The following KIF6 variants were observed in gnomAD, a reference collection of about 807,000 sequenced individuals.
The protein encoded by KIF6 is kinesin family member 6.
In KIF6, 106 loss-of-function variants were observed where a neutral mutation model predicts 112.7. The observed-to-expected ratio is 0.94, with a 90% CI of 0.80 to 1.11. The LOEUF (loss-of-function observed/expected upper bound fraction) is 1.11. Ranked by LOEUF, KIF6 falls within the 50% of genes least tolerant of loss-of-function variation. The probability of loss-of-function intolerance (pLI) is 0.00; values close to 1 mark genes in which losing one functional copy is unlikely to be tolerated. For missense variants in KIF6, 929 were observed against 964.0 expected (o/e 0.96, Z 0.48); for synonymous variants, 339 against 339.9 (o/e 1.00, Z 0.03).
At chr6:39,724,216 C>T (rs935510263) in intron 1 of KIF6, among the ~76,000 whole-genome samples, 5 of 152,112 alleles carry the variant, frequency 3.3e-5, no homozygotes, top group South Asian at 2.1e-4. Context: ...TTTGGGAGGC[C>T]GAGGCGGGCG....
At chr6:39,475,961 C>T (rs1203124990) in intron 13 of KIF6, among the ~76,000 whole-genome samples, 1 of 151,896 alleles carries the variant, frequency 6.6e-6, no homozygotes, top group East Asian at 1.9e-4. Flanking sequence ...GAAAACCAAA[C>T]ACTGCATGTT....
At chr6:39,582,401 T>C (rs1266546768) in intron 9 of KIF6, among the ~76,000 whole-genome samples, 2 of 151,876 alleles carry the variant, frequency 1.3e-5, no homozygotes, top group Non-Finnish European at 2.9e-5. Flanking sequence ...TTTTGTTTTG[T>C]TTTGTTTGGT....
chr6:39,494,794 G>T (rs78845683), intron 13 of KIF6, among the ~76,000 whole-genome samples: 3 of 148,158 alleles, frequency 2.0e-5, no homozygotes, highest in African/African-American at 7.4e-5. Context: ...CTTATGACAA[G>T]TTTTTTTTTT....
intron 5 of KIF6, among the ~76,000 whole-genome samples, chr6:39,630,295 A>T (rs1416894421): frequency 6.6e-6 from 1 of 152,092 alleles, no homozygotes; most frequent in South Asian, 2.1e-4. Context: ...CTGACATCTT[A>T]ACAATATTGA....
At chr6:39,454,265 C>G (rs575095812) in intron 13 of KIF6, among the ~76,000 whole-genome samples, 1 of 151,688 alleles carries the variant, frequency 6.6e-6, no homozygotes, top group South Asian at 2.1e-4. Flanking sequence ...AAATGCAGTA[C>G]AGTCATCTAA....
intron 19 of KIF6, among the ~76,000 whole-genome samples, chr6:39,355,566 C>A (rs553438775): frequency 1.3e-5 from 2 of 150,188 alleles, no homozygotes; most frequent in East Asian, 2.0e-4. Context: ...TGGGTTCCAG[C>A]GATTCTCCTG....
At chr6:39,690,633 T>C (rs1788145649) in intron 3 of KIF6, 2 of 152,796 alleles carry the variant, frequency 1.3e-5, no homozygotes, top group South Asian at 4.2e-4. Flanking sequence ...AAGATCCCCC[T>C]GCGGAAGAAG....
At chr6:39,426,037 T>A (rs1366399291) in intron 14 of KIF6, among the ~76,000 whole-genome samples, 1 of 152,216 alleles carries the variant, frequency 6.6e-6, no homozygotes, top group Non-Finnish European at 1.5e-5. Flanking sequence ...CCAATAGCAG[T>A]TAATCTCCCC....
intron 13 of KIF6, among the ~76,000 whole-genome samples, chr6:39,460,447 C>T (rs1474104948): frequency 1.5e-4 from 20 of 132,416 alleles, no homozygotes; most frequent in South Asian, 1.3e-3. Context: ...GTGGGTGTAG[C>T]GCACCAGCAT....
chr6:39,406,860 T>A (rs568018214), intron 15 of KIF6, among the ~76,000 whole-genome samples: 1 of 152,320 alleles, frequency 6.6e-6, no homozygotes, highest in Admixed American at 6.5e-5. Flanking sequence ...GAAATCCTCC[T>A]GCCTCAGCCT....
chr6:39,722,667 T>C (rs1190907433), intron 1 of KIF6, among the ~76,000 whole-genome samples: 2 of 152,354 alleles, frequency 1.3e-5, no homozygotes, highest in Admixed American at 6.5e-5. Context: ...CTCAATTTAA[T>C]ACTACAAAAA....
intron 13 of KIF6, among the ~76,000 whole-genome samples, chr6:39,447,585 G>A (rs1202849144): frequency 6.6e-6 from 1 of 152,152 alleles, no homozygotes; most frequent in Non-Finnish European, 1.5e-5. Context: ...GAGGAGAAAA[G>A]ATAATCTATT....
Position 39,415,168 on chromosome 6 carries a change from C to T in KIF6, c.1810+4780G>A, listed in dbSNP as rs532913780. Reference sequence around the variant, plus strand: ...CGCTATTGCACTCCAGCCTGGATGACAGAGTGAAACTCTGTCTCAAAACAA... The same window carrying T: ...CGCTATTGCACTCCAGCCTGGATGATAGAGTGAAACTCTGTCTCAAAACAA... On this transcript the variant is annotated intron_variant, in intron 15 of 22. Coordinates refer to ENST00000287152, the MANE Select transcript of KIF6 (RefSeq NM_145027.6). Among the ~76,000 whole-genome samples the T allele has an allele frequency of 2.0e-5, 3 of 152,114 alleles. No homozygotes were observed. The South Asian group carries it at 6.2e-4, about 32-fold the overall frequency.
chr6:39,355,688 C>G (rs1196873305), intron 19 of KIF6, among the ~76,000 whole-genome samples: 1 of 151,936 alleles, frequency 6.6e-6, no homozygotes, highest in Non-Finnish European at 1.5e-5. Flanking sequence ...TCTTGAACTC[C>G]TGACCTCAGG....
intron 3 of KIF6, among the ~76,000 whole-genome samples, chr6:39,683,253 A>G (rs1389290156): frequency 6.6e-5 from 10 of 152,176 alleles, no homozygotes; most frequent in Non-Finnish European, 1.5e-4. Flanking sequence ...TGGCCAAGAG[A>G]GTGAAGGGTT....
intron 4 of KIF6, among the ~76,000 whole-genome samples, chr6:39,639,003 A>G (rs1212796891): frequency 2.6e-5 from 4 of 152,242 alleles, no homozygotes; most frequent in East Asian, 1.9e-4. Flanking sequence ...GGCCCAGAGG[A>G]AAATATTTAA....
intron 19 of KIF6, chr6:39,354,035 G>T: frequency 2.9e-6 from 1 of 346,134 alleles, no homozygotes; most frequent in South Asian, 2.5e-5. Flanking sequence ...CGATGGCAAT[G>T]ACCAGCCTAC....
chr6:39,399,848 G>C (rs1431233522), intron 15 of KIF6, among the ~76,000 whole-genome samples: 1 of 152,244 alleles, frequency 6.6e-6, no homozygotes, highest in East Asian at 1.9e-4. Context: ...GTTCAAGTTT[G>C]CCTCACCTAG....
At chr6:39,710,290 C>G (rs1789466965) in intron 3 of KIF6, among the ~76,000 whole-genome samples, 2 of 152,130 alleles carry the variant, frequency 1.3e-5, no homozygotes, top group Non-Finnish European at 2.9e-5. Flanking sequence ...ATCCCTTCCC[C>G]ATAGACACAT....
Sources: gnomAD v4.1 joint callset for allele counts (sites outside exome capture counted in the v4.1 genomes callset) on GRCh38, gnomAD v4.1.1 for gene constraint, MANE v1.5 for transcripts, NCBI Gene and HGNC (gene_info 2026-07-23, HGNC 2026-07-21) for gene names.